CELF2: variants seen among roughly 807,000 people sequenced by gnomAD.
The protein encoded by CELF2 is CUG triplet repeat RNA-binding protein 2.
A neutral mutation model predicts 62.6 loss-of-function variants in CELF2; 8 were observed. The observed-to-expected ratio is 0.13, with a 90% CI of 0.07 to 0.23. CELF2 has a LOEUF of 0.23. Among genes scored for constraint, CELF2 ranks in the 10% least tolerant of loss-of-function variants. CELF2 has a pLI of 1.00. For synonymous variants in CELF2, 258 were observed against 250.0 expected (o/e 1.03, Z -0.30); for missense variants, 333 against 671.0 (o/e 0.50, Z 5.56).
chr10:10,744,975 C>T, the CELF2 span, among the ~76,000 whole-genome samples: 4 of 152,118 alleles, frequency 2.6e-5, no homozygotes, highest in African/African-American at 9.6e-5. Context: ...GCCAGCCTTC[C>T]AGTATATAAC....
chr10:10,561,635 G>C, the CELF2 span, among the ~76,000 whole-genome samples: 5 of 152,150 alleles, frequency 3.3e-5, no homozygotes, highest in African/African-American at 4.8e-5. Flanking sequence ...GGGACAGATG[G>C]GGACAACACC....
the CELF2 span, among the ~76,000 whole-genome samples, chr10:10,750,138 C>T: frequency 6.6e-6 from 1 of 152,040 alleles, no homozygotes; most frequent in Admixed American, 6.6e-5. Flanking sequence ...AAAAATTAGC[C>T]GAGGGTGATG....
the CELF2 span, among the ~76,000 whole-genome samples, chr10:10,667,945 T>A: frequency 0.19 from 29,228 of 152,068 alleles, 3,232 homozygotes; most frequent in South Asian, 0.41. Context: ...AATTGACTGC[T>A]CAAATTATGT....
intron 4 of CELF2, among the ~76,000 whole-genome samples, chr10:11,249,917 T>G (rs2076648389): frequency 6.6e-6 from 1 of 152,242 alleles, no homozygotes; most frequent in Non-Finnish European, 1.5e-5. Context: ...AAAAGAATCT[T>G]CTACCATCCT....
intron 1 of CELF2, among the ~76,000 whole-genome samples, chr10:10,868,952 A>C (rs2060554604): frequency 6.6e-6 from 1 of 152,218 alleles, no homozygotes; most frequent in Non-Finnish European, 1.5e-5. Flanking sequence ...TTCTTTCTCG[A>C]CTACAGAACT....
chr10:11,238,421 A>T (rs578098782), intron 3 of CELF2, among the ~76,000 whole-genome samples: 1 of 152,336 alleles, frequency 6.6e-6, no homozygotes, highest in Admixed American at 6.5e-5. Flanking sequence ...CTTGCTATTA[A>T]AACATAGATC....
chr10:11,028,432 T>G, intron 1 of CELF2, among the ~76,000 whole-genome samples: 1 of 150,484 alleles, frequency 6.6e-6, no homozygotes, highest in Admixed American at 6.6e-5. Flanking sequence ...CTTTTTTTTT[T>G]TTTTTGAGAT....
chr10:10,650,394 TAA>T, the CELF2 span, among the ~76,000 whole-genome samples: 30 of 152,318 alleles, frequency 2.0e-4, no homozygotes, highest in South Asian at 8.3e-4. Context: ...CTTAAAATGT[TAA>T]GTTAAAAAAT....
At chr10:10,520,923 T>A in the CELF2 span, among the ~76,000 whole-genome samples, 1 of 152,140 alleles carries the variant, frequency 6.6e-6, no homozygotes, top group South Asian at 2.1e-4. Context: ...ACCAAACAGA[T>A]TAGTAACTAC....
chr10:10,756,143 G>C, the CELF2 span, among the ~76,000 whole-genome samples: 2 of 152,146 alleles, frequency 1.3e-5, no homozygotes, highest in Non-Finnish European at 2.9e-5. Context: ...ACCTGAAATA[G>C]TACAGGAAAC....
chr10:10,513,610 C>T, the CELF2 span, among the ~76,000 whole-genome samples: 1 of 151,896 alleles, frequency 6.6e-6, no homozygotes, highest in Non-Finnish European at 1.5e-5. Flanking sequence ...AGCAGGGTTG[C>T]CCACATATAG....
intron 2 of CELF2, among the ~76,000 whole-genome samples, chr10:11,212,793 A>G (rs1166103857): frequency 7.3e-6 from 1 of 137,830 alleles, no homozygotes; most frequent in Non-Finnish European, 1.5e-5. Flanking sequence ...ATTACAATGA[A>G]TTGTTGAGGT....
the CELF2 span, among the ~76,000 whole-genome samples, chr10:10,712,524 C>T: frequency 6.6e-6 from 1 of 152,032 alleles, no homozygotes; most frequent in South Asian, 2.1e-4. Flanking sequence ...CCTTTCCTAC[C>T]CTCTTCTGAG....
the CELF2 span, among the ~76,000 whole-genome samples, chr10:10,667,556 C>T: frequency 2.6e-5 from 4 of 152,164 alleles, no homozygotes; most frequent in African/African-American, 9.6e-5. Context: ...ACTGGAGTTG[C>T]TGAATGGGTC....
intron 1 of CELF2, among the ~76,000 whole-genome samples, chr10:11,027,042 G>A (rs1414208048): frequency 6.6e-6 from 1 of 152,086 alleles, no homozygotes; most frequent in Non-Finnish European, 1.5e-5. Context: ...GTCACCAGGA[G>A]GCCTCCAACT....
chr10:10,553,276 A>G, the CELF2 span, among the ~76,000 whole-genome samples: 3,271 of 152,258 alleles, frequency 0.021, 129 homozygotes, highest in African/African-American at 0.074. Context: ...ACCTGGATTC[A>G]ATTACCTGCC....
At chr10:11,229,157 G>A (rs1053499527) in intron 3 of CELF2, among the ~76,000 whole-genome samples, 4 of 152,188 alleles carry the variant, frequency 2.6e-5, no homozygotes, top group African/African-American at 7.2e-5. Context: ...TCCTAACTCC[G>A]AGCCTGTTGC....
At chr10:10,959,897 T>G (rs1337404202) in intron 2 of CELF2, among the ~76,000 whole-genome samples, 1 of 152,232 alleles carries the variant, frequency 6.6e-6, no homozygotes, top group Non-Finnish European at 1.5e-5. Flanking sequence ...GTTTTCCTTT[T>G]CAATTAGCAC....
the CELF2 span, among the ~76,000 whole-genome samples, chr10:10,654,398 T>G: frequency 7.5e-4 from 74 of 98,634 alleles, 2 homozygotes; most frequent in Middle Eastern, 6.0e-3. Context: ...TACCAAAGCC[T>G]GGCAGACACA....
Sources: gnomAD v4.1 joint callset for allele counts (sites outside exome capture counted in the v4.1 genomes callset) on GRCh38, gnomAD v4.1.1 for gene constraint, MANE v1.5 for transcripts, NCBI Gene and HGNC (gene_info 2026-07-23, HGNC 2026-07-21) for gene names.